Variants in FAM167A observed in about 807,000 individuals in gnomAD.
The protein encoded by FAM167A is protein FAM167A.
In FAM167A, 23 loss-of-function variants were observed where a neutral mutation model predicts 14.9. That is an observed-to-expected ratio of 1.55 (90% CI 1.11 to 2.19). FAM167A has a LOEUF of 2.19. Ranked by LOEUF, FAM167A falls within the 30% of genes most tolerant of loss-of-function variation. The probability of loss-of-function intolerance (pLI) is 0.00; values close to 1 mark genes in which losing one functional copy is unlikely to be tolerated. For missense variants in FAM167A, 401 were observed against 281.5 expected, an observed-to-expected ratio of 1.42 and a Z score of -3.04; for synonymous variants, 174 against 117.7, an observed-to-expected ratio of 1.48 and a Z score of -3.10.
rs1051231130 is a variant in FAM167A at position 11,423,897 on chromosome 8, G to C, written c.*476C>G. On this transcript the variant is annotated 3_prime_UTR_variant, in exon 3 of 3. Coordinates refer to ENST00000284486, the MANE Select transcript of FAM167A (RefSeq NM_053279.3). Reference sequence around the variant, plus strand: ...TGTTGCTGAGTCATGTACTTAGGGTGAATTTGAGACAATACTTAGAGGACA... The same window carrying C: ...TGTTGCTGAGTCATGTACTTAGGGTCAATTTGAGACAATACTTAGAGGACA... 5.8e-6 allele frequency: 1 copy of C among 170,988 alleles called. No individual in the cohort carries two copies. Among genetic ancestry groups the C allele is most frequent in the South Asian group, 1.5e-4 (1 of 6,646 alleles). 10.6% of individuals were successfully genotyped at this position (170,988 alleles called of 1,614,324 possible).
At chr8:11,458,291 C>T (rs992081953) in intron 1 of FAM167A, among the ~76,000 whole-genome samples, 14 of 152,214 alleles carry the variant, frequency 9.2e-5, no homozygotes, top group Admixed American at 3.3e-4. Flanking sequence ...TGTGCTCTTC[C>T]GAATGGAGCT....
upstream of FAM167A, among the ~76,000 whole-genome samples, chr8:11,470,158 G>C (rs1807910466): frequency 6.6e-6 from 1 of 152,204 alleles, no homozygotes; most frequent in South Asian, 2.1e-4. Context: ...GTGAGTGATA[G>C]AAAAACAGAA....
intron 2 of FAM167A, among the ~76,000 whole-genome samples, chr8:11,425,233 T>C (rs1805054798): frequency 6.6e-6 from 1 of 152,232 alleles, no homozygotes; most frequent in South Asian, 2.1e-4. Context: ...TTTGGGTCTA[T>C]TAACATGCAA....
At chr8:11,440,929 G>T (rs758898355) in intron 2 of FAM167A, among the ~76,000 whole-genome samples, 5 of 152,214 alleles carry the variant, frequency 3.3e-5, no homozygotes, top group Non-Finnish European at 7.3e-5. Flanking sequence ...TAAGTTTAAC[G>T]TTTTGACTGA....
At chr8:11,445,141 A>G (rs1585260341) in intron 1 of FAM167A, 1 of 984,048 alleles carries the variant, frequency 1.0e-6, no homozygotes, top group Non-Finnish European at 1.2e-6. Flanking sequence ...AAGTTAAATG[A>G]CTCACCGAGA....
intron 2 of FAM167A, among the ~76,000 whole-genome samples, chr8:11,426,981 G>A (rs901859446): frequency 6.6e-6 from 1 of 152,238 alleles, no homozygotes. Flanking sequence ...TACATTGCCA[G>A]GGTGAAATTC....
intron 1 of FAM167A, among the ~76,000 whole-genome samples, chr8:11,446,173 T>A (rs975695613): frequency 6.6e-6 from 1 of 152,110 alleles, no homozygotes; most frequent in South Asian, 2.1e-4. Flanking sequence ...CCTCGCGGTG[T>A]CCTGGGATTC....
intron 2 of FAM167A, among the ~76,000 whole-genome samples, chr8:11,435,257 C>G (rs1210196826): frequency 6.6e-6 from 1 of 152,208 alleles, no homozygotes; most frequent in East Asian, 1.9e-4. Flanking sequence ...GCCTTTGTCC[C>G]TCTCCCTGCA....
intron 1 of FAM167A, among the ~76,000 whole-genome samples, chr8:11,449,558 G>T (rs557481798): frequency 1.1e-4 from 17 of 152,336 alleles, no homozygotes; most frequent in African/African-American, 4.1e-4. Flanking sequence ...GCCGGAGAAG[G>T]AAGCCAAAGG....
chr8:11,422,005 C>G lies in FAM167A; in HGVS notation c.*2368G>C. Reference sequence around the variant, plus strand: ...ATCGCTGTCCCCCTCCACTTCTCATCTTGGGTCACCTCCTCATCCCATAAT... The same window carrying G: ...ATCGCTGTCCCCCTCCACTTCTCATGTTGGGTCACCTCCTCATCCCATAAT... On this transcript the variant is annotated 3_prime_UTR_variant, in exon 3 of 3. Transcript: ENST00000284486. 7.6e-6 allele frequency: 3 copies of G among 395,472 alleles called. No homozygotes were observed. The highest frequency in any genetic ancestry group is 2.1e-5 in the African/African-American group (1 of 48,692). The allele number at this position is 395,472 out of a possible 1,614,324, so 24.5% of individuals were successfully genotyped here. A position where few individuals can be genotyped will look rare whatever the true frequency, so the allele number is the denominator to read the frequency against.
At chr8:11,471,127 A>G (rs11995194), upstream of FAM167A, among the ~76,000 whole-genome samples, 3,610 of 152,288 alleles carry the variant, frequency 0.024, 129 homozygotes, top group African/African-American at 0.08. Context: ...GGGAGGTGAC[A>G]GATTCCACCT....
At chr8:11,444,936 T>C (rs11779875) in intron 1 of FAM167A, 128 bp from the exon 2 acceptor site, 268,935 of 797,406 alleles carry the variant, frequency 0.34, 48,201 homozygotes, top group East Asian at 0.67. Context: ...TCATGGCTAG[T>C]CCGGGACGGA....
chr8:11,471,294 A>G (rs150952490), upstream of FAM167A, among the ~76,000 whole-genome samples: 26 of 152,328 alleles, frequency 1.7e-4, no homozygotes, highest in African/African-American at 6.0e-4. Context: ...ACAAGGGCAC[A>G]GCTGCAGGGC....
upstream of FAM167A, among the ~76,000 whole-genome samples, chr8:11,471,863 G>A (rs753635144): frequency 3.4e-4 from 51 of 152,094 alleles, no homozygotes; most frequent in Non-Finnish European, 6.2e-4. Context: ...TGAAGGCTGC[G>A]CTCTCAGGCT....
At chr8:11,438,410 A>G in intron 2 of FAM167A, 1 of 452,342 alleles carries the variant, frequency 2.2e-6, no homozygotes, top group South Asian at 1.6e-5. Context: ...TGGGAGATTG[A>G]AGGCCTTACT....
intron 2 of FAM167A, 140 bp from the exon 3 acceptor site, chr8:11,424,776 G>T: frequency 7.7e-7 from 1 of 1,295,952 alleles, no homozygotes; most frequent in Non-Finnish European, 1.0e-6. Context: ...TCCCTGCTCA[G>T]GGAGGTGAAA....
intron 1 of FAM167A, chr8:11,445,106 C>T: frequency 1.0e-6 from 1 of 982,330 alleles, no homozygotes; most frequent in Non-Finnish European, 1.2e-6. Flanking sequence ...TCTCATTTCA[C>T]ACACGAGGAA....
chr8:11,460,150 C>G (rs1302521698), intron 1 of FAM167A, among the ~76,000 whole-genome samples: 3 of 152,236 alleles, frequency 2.0e-5, no homozygotes. Flanking sequence ...ATGAAACCCA[C>G]TACAGGGCTC....
intron 1 of FAM167A, among the ~76,000 whole-genome samples, chr8:11,461,187 C>T (rs563222485): frequency 7.5e-4 from 114 of 152,348 alleles, no homozygotes; most frequent in Non-Finnish European, 1.4e-3. Flanking sequence ...TTGGGACGCC[C>T]AGTCGCTGGT....
Sources: allele counts gnomAD v4.1 joint callset (sites outside exome capture counted in the v4.1 genomes callset), GRCh38; gene constraint gnomAD v4.1.1; transcripts MANE v1.5; gene names NCBI Gene and HGNC (gene_info 2026-07-23, HGNC 2026-07-21).